Variants in FAHD2A observed in about 807,000 individuals in gnomAD.
FAHD2A encodes the protein oxaloacetate tautomerase FAHD2A, mitochondrial.
In FAHD2A, 27 loss-of-function variants were observed where a neutral mutation model predicts 33.4. The observed-to-expected ratio is 0.81, with a 90% CI of 0.60 to 1.11. FAHD2A has a LOEUF of 1.11. FAHD2A is among the 50% of genes most tolerant of loss of function. The probability of loss-of-function intolerance (pLI) is 0.00; values close to 1 mark genes in which losing one functional copy is unlikely to be tolerated. For synonymous variants in FAHD2A, 130 were observed against 153.3 expected (o/e 0.85, Z 1.12); for missense variants, 296 against 395.0 (o/e 0.75, Z 2.12).
chr2:95,410,463 C>A (rs1405192672), intron 3 of FAHD2A, 64 bp from the exon 4 acceptor site: 34 of 1,560,516 alleles, frequency 2.2e-5, no homozygotes, highest in Admixed American at 5.7e-5. Context: ...TGGTGTGCAG[C>A]CTCTCAGCAT....
intron 3 of FAHD2A, among the ~76,000 whole-genome samples, chr2:95,409,179 A>T (rs376013974): frequency 7.0e-6 from 1 of 143,110 alleles, no homozygotes; most frequent in East Asian, 2.0e-4. Flanking sequence ...GTGAAGATGC[A>T]TTTCTATTTT....
chr2:95,411,412 A>G (rs1682487450), intron 5 of FAHD2A, among the ~76,000 whole-genome samples: 1 of 152,260 alleles, frequency 6.6e-6, no homozygotes, highest in Non-Finnish European at 1.5e-5. Context: ...TGACTCACCC[A>G]GCCACTGTGG....
intron 3 of FAHD2A, among the ~76,000 whole-genome samples, chr2:95,409,196 A>G (rs937195952): frequency 7.4e-6 from 1 of 135,930 alleles, no homozygotes; most frequent in African/African-American, 2.6e-5. Flanking sequence ...TTTTTGTAAT[A>G]AGCAATCCAT....
chr2:95,410,492 C>G (rs1314984141), intron 3 of FAHD2A, 35 bp from the exon 4 acceptor site: 2 of 1,588,728 alleles, frequency 1.3e-6, no homozygotes, highest in Admixed American at 1.8e-5. Context: ...GGCCCTGAAG[C>G]CACTGCAGCT....
intron 3 of FAHD2A, among the ~76,000 whole-genome samples, chr2:95,408,035 ATTTTT>A (rs11377714): frequency 2.1e-5 from 2 of 94,694 alleles, no homozygotes; most frequent in Non-Finnish European, 4.0e-5. Flanking sequence ...GCAAACACAC[ATTTTT>A]TTTTTTTTTT....
chr2:95,403,925 T>C (rs1287265089), intron 1 of FAHD2A, among the ~76,000 whole-genome samples: 1 of 152,208 alleles, frequency 6.6e-6, no homozygotes, highest in Non-Finnish European at 1.5e-5. Context: ...GCACATTGGC[T>C]CGAACAGCCT....
Position 95,414,792 on chromosome 2 carries a change from C to G in FAHD2A, c.*1835C>G, listed in dbSNP as rs577998080. On this transcript the variant is annotated 3_prime_UTR_variant, in exon 8 of 8. Transcript: ENST00000233379. ...ATCTCTTTGCCATCTCTCCCTGCCC[C>G]ACTCCGATGGCTCCTCCTGCCTGGT... 1 of 153,980 alleles carries G rather than the reference C, an allele frequency of 6.5e-6. No individual in the cohort carries two copies. The highest frequency in any genetic ancestry group is 2.0e-4 in the South Asian group (1 of 4,904). 9.5% of individuals were successfully genotyped at this position (153,980 alleles called of 1,614,324 possible).
At position 95,410,654 on chromosome 2, in the gene FAHD2A, T is replaced by C. The variant is rs969077693; in HGVS notation, c.522+68T>C. 12 of 1,594,124 alleles carry C rather than the reference T, an allele frequency of 7.5e-6. No homozygotes were observed. In the African/African-American group the frequency reaches 1.6e-4, roughly 21 times the overall value. ...GGCCCCAGCTCCTGCCTCTCCTAGT[T>C]CTGACCCCACTCACCAACACACGGT... On this transcript the variant is annotated intron_variant, in intron 4 of 7. Transcript: ENST00000233379.
rs1683181049 is a variant in FAHD2A, at chr2:95,416,551, A to G, written c.*3594A>G. On this transcript the variant is annotated 3_prime_UTR_variant, in exon 8 of 8. Transcript: ENST00000233379. ...GCCTGGACCTCAGCTCATGTCTAGC[A>G]CCCAGTCTCCCAACCCCACACATAT... 1 of 152,294 alleles carries G rather than the reference A, an allele frequency of 6.6e-6. No homozygotes were observed. The highest frequency in any genetic ancestry group is 2.4e-5 in the African/African-American group (1 of 41,468). 9.4% of individuals were successfully genotyped at this position (152,294 alleles called of 1,614,324 possible). A position where few individuals can be genotyped will look rare whatever the true frequency, so the allele number is the denominator to read the frequency against.
chr2:95,419,123 C>T (rs1432023319), downstream of FAHD2A, among the ~76,000 whole-genome samples: 1 of 152,032 alleles, frequency 6.6e-6, no homozygotes, highest in Non-Finnish European at 1.5e-5. Context: ...GGCCCTGCTA[C>T]ATCTTGATTT....
chr2:95,417,847 G>C (rs1466092022), downstream of FAHD2A, among the ~76,000 whole-genome samples: 2 of 152,052 alleles, frequency 1.3e-5, no homozygotes, highest in Non-Finnish European at 2.9e-5. Context: ...CCATCCCCAT[G>C]ACCCAATAGC....
chr2:95,403,978 A>G (rs1173739345), intron 1 of FAHD2A, among the ~76,000 whole-genome samples: 1 of 152,240 alleles, frequency 6.6e-6, no homozygotes, highest in East Asian at 1.9e-4. Context: ...ACAGCAGGGC[A>G]GAGAAGTCAA....
rs1573573172 is a variant in FAHD2A, at chr2:95,410,965, A to G, written c.624A>G (p.Gly208=). ...GTAATGGGAAACAATGGCTGCTGGG[A>G]AAAACCTTCGACACCTTCTGCCCTC... ...MRRNGKQWLL[G]KTFDTFCPLG... is the part of the protein sequence containing the mutation. The change falls in exon 5 of 8, where the codon GGA becomes GGG. Residue 208 remains glycine (G), a synonymous_variant. Coordinates refer to ENST00000233379, the MANE Select transcript of FAHD2A (RefSeq NM_016044.3). 6.2e-7 allele frequency: 1 copy of G among 1,613,994 alleles called. No individual in the cohort carries two copies.
In FAHD2A at chr2:95,413,418, C is replaced by G. The variant is rs909447536; in HGVS notation, c.*461C>G. 2.9e-5 allele frequency: 47 copies of G among 1,602,068 alleles called. No homozygotes were observed. Among genetic ancestry groups the G allele is most frequent in the African/African-American group, 1.4e-4 (10 of 74,072 alleles). On this transcript the variant is annotated 3_prime_UTR_variant, in exon 8 of 8. Coordinates refer to ENST00000233379, the MANE Select transcript of FAHD2A (RefSeq NM_016044.3). The stretch of plus-strand genomic sequence containing the variant: ...TAGGACACAGCTGTGTTCTGGGGCT[C>G]AGAAGTCTCAGCACAGGCTCCTTCT...
chr2:95,420,407 A>G (rs539066689), downstream of FAHD2A, among the ~76,000 whole-genome samples: 3 of 152,140 alleles, frequency 2.0e-5, no homozygotes, highest in African/African-American at 4.8e-5. Context: ...TTATCTGACC[A>G]TCTTCCTCCA....
downstream of FAHD2A, among the ~76,000 whole-genome samples, chr2:95,417,339 A>G (rs564821738): frequency 1.2e-4 from 19 of 152,290 alleles, no homozygotes; most frequent in African/African-American, 4.3e-4. Flanking sequence ...GCAGCTTCCC[A>G]TTTACAGATC....
chr2:95,414,284 A>G lies in FAHD2A; in HGVS notation c.*1327A>G, dbSNP rs1682942922. ...TCTTCCTGGGCGGTGGCCTGCAGGA[A>G]CTGGAACAGCTGTTGGAGAGGAGAA... On this transcript the variant is annotated 3_prime_UTR_variant, in exon 8 of 8. Transcript: ENST00000233379. The G allele has an allele frequency of 5.1e-6, 7 of 1,365,372 alleles. No homozygotes were observed. The highest frequency in any genetic ancestry group is 7.3e-6 in the Non-Finnish European group (7 of 957,440). The allele number at this position is 1,365,372 out of a possible 1,614,324, so 84.6% of individuals were successfully genotyped here.
In FAHD2A at chr2:95,414,133, A is replaced by C; in HGVS notation, c.*1176A>C. On this transcript the variant is annotated 3_prime_UTR_variant, in exon 8 of 8. Coordinates refer to ENST00000233379, the MANE Select transcript of FAHD2A (RefSeq NM_016044.3). ...AGGGATAGATCTCCGACTGGACAGAAGACTACTCTGCAGCCCGCCTTCCTA... is the reference window on the plus strand; with the variant it reads ...AGGGATAGATCTCCGACTGGACAGACGACTACTCTGCAGCCCGCCTTCCTA... 2 of 1,512,382 alleles carry C rather than the reference A, an allele frequency of 1.3e-6. No homozygotes were observed. Among genetic ancestry groups the C allele is most frequent in the African/African-American group, 1.4e-5 (1 of 72,380 alleles). 93.7% of individuals were successfully genotyped at this position (1,512,382 alleles called of 1,614,324 possible). A position where few individuals can be genotyped will look rare whatever the true frequency, so the allele number is the denominator to read the frequency against.
At chr2:95,416,766 G>A (rs930379857), downstream of FAHD2A, 6 of 152,182 alleles carry the variant, frequency 3.9e-5, no homozygotes, top group Admixed American at 2.0e-4. Flanking sequence ...CAGAGTCCTC[G>A]AGAATAGTTG....
Sources: gnomAD v4.1 joint callset for allele counts (sites outside exome capture counted in the v4.1 genomes callset) on GRCh38, gnomAD v4.1.1 for gene constraint, MANE v1.5 for transcripts, NCBI Gene and HGNC (gene_info 2026-07-23, HGNC 2026-07-21) for gene names.